FUT9: variants seen among roughly 807,000 people sequenced by gnomAD.
FUT9 encodes 4-galactosyl-N-acetylglucosaminide 3-alpha-L-fucosyltransferase 9.
In FUT9, 15 loss-of-function variants were observed where a neutral mutation model predicts 29.7. The observed-to-expected ratio is 0.51, with a 90% CI of 0.34 to 0.78. FUT9 has a LOEUF of 0.78. FUT9 is among the 30% of genes least tolerant of loss of function. The pLI, the probability that FUT9 is intolerant of heterozygous loss-of-function variation, is 0.01. For missense variants in FUT9, 319 were observed against 425.4 expected, an observed-to-expected ratio of 0.75 and a Z score of 2.20; for synonymous variants, 169 against 153.7, an observed-to-expected ratio of 1.10 and a Z score of -0.74.
Position 96,188,279 on chromosome 6 carries a change from AT to A in FUT9, c.-8-14864del, listed in dbSNP as rs142866194. ...GTGTGTGTGTGTATGTATATATATA[AT>A]TTTTAGAGATGGGACCTGACTTGTT... On this transcript the variant is annotated intron_variant, in intron 2 of 2. Coordinates refer to ENST00000302103, the MANE Select transcript of FUT9 (RefSeq NM_006581.4). Among the ~76,000 whole-genome samples, 1,075 of 151,438 alleles carry A rather than the reference AT, an allele frequency of 7.1e-3. 13 individuals carry two copies. Among genetic ancestry groups the A allele is most frequent in the African/African-American group, 0.025 (1,030 of 41,274 alleles).
At chr6:96,123,910 T>A (rs1187303886) in intron 2 of FUT9, among the ~76,000 whole-genome samples, 2 of 151,698 alleles carry the variant, frequency 1.3e-5, no homozygotes, top group African/African-American at 4.8e-5. Context: ...ATCTTCTGCT[T>A]GAGAAATACT....
intron 2 of FUT9, among the ~76,000 whole-genome samples, chr6:96,138,816 T>C (rs7757344): frequency 0.56 from 85,324 of 151,956 alleles, 24,942 homozygotes; most frequent in East Asian, 0.68. Flanking sequence ...CAGCATGTGT[T>C]ATTTCTTTTA....
chr6:96,162,197 T>C (rs1376052190), intron 2 of FUT9, among the ~76,000 whole-genome samples: 1 of 152,194 alleles, frequency 6.6e-6, no homozygotes, highest in East Asian at 1.9e-4. Context: ...GCGTGCTTTT[T>C]CTCTTCAAAA....
intron 1 of FUT9, among the ~76,000 whole-genome samples, chr6:96,024,408 A>G (rs893906516): frequency 5.3e-5 from 8 of 151,798 alleles, no homozygotes; most frequent in African/African-American, 1.9e-4. Context: ...CCCAGTTTCA[A>G]TGATATTGCA....
intron 2 of FUT9, among the ~76,000 whole-genome samples, chr6:96,152,724 T>A (rs1179565579): frequency 6.6e-6 from 1 of 152,180 alleles, no homozygotes; most frequent in African/African-American, 2.4e-5. Context: ...GGACTATGAT[T>A]TGTTGTAAGA....
chr6:96,055,314 A>G (rs1760135373), intron 1 of FUT9, among the ~76,000 whole-genome samples: 1 of 151,866 alleles, frequency 6.6e-6, no homozygotes, highest in Admixed American at 6.6e-5. Flanking sequence ...ATGTGACTAT[A>G]CTTTTAATTT....
chr6:96,203,629 C>G lies in FUT9; in HGVS notation c.474C>G (p.Tyr158Ter), dbSNP rs762406833. ...ACTTGTTTAACCTGACTCTGACTTACCGCCGTGATTCAGATATCCAAGTGC... is the reference window on the plus strand; with the variant it reads ...ACTTGTTTAACCTGACTCTGACTTAGCGCCGTGATTCAGATATCCAAGTGC... ...IEHLFNLTLTYRRDSDIQVPY... is the reference protein window; with the variant it reads ...IEHLFNLTLT The change falls in exon 3 of 3, where the codon TAC becomes TAG. Residue 158 changes from tyrosine (Y) to a stop codon, truncating the protein, a stop_gained. Transcript: ENST00000302103. LOFTEE classifies it high-confidence loss of function. 6.2e-7 allele frequency: 1 copy of G among 1,613,982 alleles called. No homozygotes were observed. Among genetic ancestry groups the G allele is most frequent in the East Asian group, 2.2e-5 (1 of 44,874 alleles).
chr6:96,197,097 C>G lies in FUT9; in HGVS notation c.-8-6051C>G, dbSNP rs187214767. ...TTTGTTTCTGAGGCTGCTTCTGAGG[C>G]CTTTGCTAACTTGTAGCTCTCTTGC... On this transcript the variant is annotated intron_variant, in intron 2 of 2. Transcript: ENST00000302103. Among the ~76,000 whole-genome samples the G allele has an allele frequency of 9.1e-3, 1,392 of 152,186 alleles. 13 individuals are homozygous for G. The highest frequency in any genetic ancestry group is 0.015 in the Non-Finnish European group (1,044 of 67,988).
intron 2 of FUT9, among the ~76,000 whole-genome samples, chr6:96,140,921 C>T (rs949848718): frequency 3.3e-5 from 5 of 152,130 alleles, no homozygotes; most frequent in African/African-American, 1.2e-4. Context: ...AATGCAGTTA[C>T]ATTTGAATGA....
At chr6:96,020,068 C>A (rs1770041056) in intron 1 of FUT9, among the ~76,000 whole-genome samples, 1 of 152,060 alleles carries the variant, frequency 6.6e-6, no homozygotes, top group Non-Finnish European at 1.5e-5. Flanking sequence ...TTCTAACACA[C>A]CATAGTTAAA....
chr6:96,145,161 C>T (rs1454267738), intron 2 of FUT9, among the ~76,000 whole-genome samples: 1 of 152,118 alleles, frequency 6.6e-6, no homozygotes, highest in Non-Finnish European at 1.5e-5. Flanking sequence ...GGGTTCACGC[C>T]ATTCTCCTGC....
chr6:96,081,982 A>G (rs1054343286), intron 1 of FUT9, among the ~76,000 whole-genome samples: 1 of 151,814 alleles, frequency 6.6e-6, no homozygotes, highest in African/African-American at 2.4e-5. Flanking sequence ...TCTGAAATGT[A>G]CATTTGGTCA....
chr6:96,156,795 T>A (rs1479667894), intron 2 of FUT9, among the ~76,000 whole-genome samples: 2 of 152,228 alleles, frequency 1.3e-5, no homozygotes, highest in African/African-American at 4.8e-5. Context: ...TTCTAAGCAC[T>A]CTTTTCATTT....
chr6:96,097,551 T>G (rs1295727234), intron 1 of FUT9, among the ~76,000 whole-genome samples: 1 of 152,184 alleles, frequency 6.6e-6, no homozygotes, highest in Non-Finnish European at 1.5e-5. Flanking sequence ...CTGAGGCATC[T>G]TTTAGCATAC....
intron 1 of FUT9, among the ~76,000 whole-genome samples, chr6:96,095,829 G>T (rs1771485925): frequency 6.6e-6 from 1 of 152,014 alleles, no homozygotes; most frequent in Non-Finnish European, 1.5e-5. Context: ...TGTAACCATG[G>T]GCTAGCGATC....
intron 1 of FUT9, among the ~76,000 whole-genome samples, chr6:96,074,165 A>G (rs1582211889): frequency 6.6e-6 from 1 of 152,178 alleles, no homozygotes; most frequent in East Asian, 1.9e-4. Context: ...TACTGCACCA[A>G]ACAATATCCA....
intron 2 of FUT9, among the ~76,000 whole-genome samples, chr6:96,162,396 T>G (rs1772928684): frequency 6.6e-6 from 1 of 152,186 alleles, no homozygotes. Context: ...GTTGGAAACA[T>G]TCAAAATCCT....
At chr6:96,195,625 T>C (rs1347051169) in intron 2 of FUT9, among the ~76,000 whole-genome samples, 1 of 152,200 alleles carries the variant, frequency 6.6e-6, no homozygotes, top group African/African-American at 2.4e-5. Flanking sequence ...CAGTGATGAA[T>C]ATATAAAGTT....
chr6:96,028,720 G>A (rs758833104), intron 1 of FUT9, among the ~76,000 whole-genome samples: 3 of 151,428 alleles, frequency 2.0e-5, no homozygotes, highest in Non-Finnish European at 4.4e-5. Flanking sequence ...AATCCAATTC[G>A]ATAATCAGCA....
Sources: gnomAD v4.1 joint callset for allele counts (sites outside exome capture counted in the v4.1 genomes callset) on GRCh38, gnomAD v4.1.1 for gene constraint, MANE v1.5 for transcripts, NCBI Gene and HGNC (gene_info 2026-07-23, HGNC 2026-07-21) for gene names.